SH3RF3: variants seen among roughly 807,000 people sequenced by gnomAD.
The protein encoded by SH3RF3 is SH3 domain containing ring finger 3.
SH3RF3 carries 29 observed loss-of-function variants against 66.3 expected under a neutral mutation model. The observed-to-expected ratio is 0.44, with a 90% CI of 0.33 to 0.60. The LOEUF (loss-of-function observed/expected upper bound fraction) is 0.60. SH3RF3 is among the 20% of genes least tolerant of loss of function. The probability of loss-of-function intolerance (pLI) is 0.04; values close to 1 mark genes in which losing one functional copy is unlikely to be tolerated. For missense variants in SH3RF3, 1,194 were observed against 1,190.9 expected (o/e 1.00, Z -0.04); for synonymous variants, 583 against 532.0 (o/e 1.10, Z -1.32).
At chr2:109,203,701 G>T (rs555654274) in intron 1 of SH3RF3, among the ~76,000 whole-genome samples, 1 of 152,090 alleles carries the variant, frequency 6.6e-6, no homozygotes, top group Non-Finnish European at 1.5e-5. Flanking sequence ...CCACCCCCTG[G>T]GCCTGGAGCC....
At chr2:109,376,367 G>T (rs1683383808) in intron 3 of SH3RF3, among the ~76,000 whole-genome samples, 1 of 152,222 alleles carries the variant, frequency 6.6e-6, no homozygotes, top group African/African-American at 2.4e-5. Flanking sequence ...AAAGGAATCA[G>T]CTCGGGTTGG....
At chr2:109,186,130 C>T (rs1422324847) in intron 1 of SH3RF3, among the ~76,000 whole-genome samples, 2 of 152,240 alleles carry the variant, frequency 1.3e-5, no homozygotes, top group Non-Finnish European at 1.5e-5. Flanking sequence ...TCTCTGTGTC[C>T]TTGAAATGCT....
At chr2:109,417,374 C>T (rs1676753438) in intron 4 of SH3RF3, among the ~76,000 whole-genome samples, 1 of 152,182 alleles carries the variant, frequency 6.6e-6, no homozygotes, top group African/African-American at 2.4e-5. Context: ...GGGGACACCT[C>T]CTCTTCCCTG....
rs371815070 is a variant in SH3RF3, at chr2:109,449,411, A to C, written c.2070A>C (p.Gly690=). 5 of 1,613,594 alleles carry C rather than the reference A, an allele frequency of 3.1e-6. No homozygotes were observed. The highest frequency in any genetic ancestry group is 4.2e-6 in the Non-Finnish European group (5 of 1,179,738). The stretch of plus-strand genomic sequence containing the variant: ...CCGCAAACCTCAACGGGGAGGCTGG[A>C]GGGGGGCCCATCGGTGTTCTGTCCA... The part of the protein sequence containing the change: ...VSAANLNGEA[G]GGPIGVLSTS... Residue 690 remains glycine (G), a synonymous_variant, in exon 8 of 10, where the codon GGA becomes GGC. Transcript: ENST00000309415.
At chr2:109,250,975 C>CT (rs953824330) in intron 1 of SH3RF3, among the ~76,000 whole-genome samples, 60 of 149,796 alleles carry the variant, frequency 4.0e-4, no homozygotes, top group Non-Finnish European at 4.8e-4. Context: ...TTCTGTATAG[C>CT]TTTTTTTTTC....
At chr2:109,497,061 T>A (rs749114418) in intron 9 of SH3RF3, among the ~76,000 whole-genome samples, 1 of 152,228 alleles carries the variant, frequency 6.6e-6, no homozygotes, top group Non-Finnish European at 1.5e-5. Flanking sequence ...GCCTTGCAGA[T>A]GCCTTGATTT....
chr2:109,155,202 G>A (rs1292247354), intron 1 of SH3RF3, among the ~76,000 whole-genome samples: 3 of 152,226 alleles, frequency 2.0e-5, no homozygotes, highest in Non-Finnish European at 4.4e-5. Flanking sequence ...ATGTTCAGTG[G>A]TGTTCTCATC....
rs532420165 is a variant in SH3RF3, at chr2:109,495,405, C to T, written c.2480+4469C>T. ...TCTGCACCTTGGCAGTATCAAGTAT[C>T]GTAGAGAGGCTTTGAGTAGACAGAC... On this transcript the variant is annotated intron_variant, in intron 9 of 9. Transcript: ENST00000309415. Among the ~76,000 whole-genome samples the T allele has an allele frequency of 1.4e-4, 21 of 149,652 alleles. No individual in the cohort carries two copies. The South Asian group carries it at 2.4e-3, about 17-fold the overall frequency.
At chr2:109,365,005 C>T (rs770941599) in intron 2 of SH3RF3, among the ~76,000 whole-genome samples, 5 of 152,070 alleles carry the variant, frequency 3.3e-5, no homozygotes, top group Non-Finnish European at 7.4e-5. Context: ...GCAGAAGGAT[C>T]GTGAGACTCT....
intron 1 of SH3RF3, among the ~76,000 whole-genome samples, chr2:109,250,970 T>C (rs1020254325): frequency 3.3e-5 from 5 of 151,994 alleles, no homozygotes; most frequent in African/African-American, 7.2e-5. Flanking sequence ...TTGCATTCTG[T>C]ATAGCTTTTT....
chr2:109,270,760 C>T (rs1268819982), intron 1 of SH3RF3, among the ~76,000 whole-genome samples: 2 of 152,216 alleles, frequency 1.3e-5, no homozygotes, highest in Non-Finnish European at 2.9e-5. Context: ...TGACCTTTCT[C>T]TAGCTGGGGA....
chr2:109,279,711 T>C (rs551270215), intron 1 of SH3RF3, among the ~76,000 whole-genome samples: 2 of 151,872 alleles, frequency 1.3e-5, no homozygotes, highest in South Asian at 4.2e-4. Context: ...CTTGCCAGCT[T>C]GCGTTTCTTT....
chr2:109,266,765 CAG>C (rs1040283249), intron 1 of SH3RF3, among the ~76,000 whole-genome samples: 24 of 152,192 alleles, frequency 1.6e-4, no homozygotes, highest in African/African-American at 3.9e-4. Context: ...TAACAAGAGA[CAG>C]GGGTGAGCGT....
intron 1 of SH3RF3, among the ~76,000 whole-genome samples, chr2:109,206,526 A>G (rs2105090182): frequency 7.6e-6 from 1 of 131,100 alleles, no homozygotes; most frequent in Admixed American, 7.9e-5. Context: ...GAATTAGAGG[A>G]GGCTGAGTGT....
chr2:109,305,819 G>A (rs192760236), intron 1 of SH3RF3, among the ~76,000 whole-genome samples: 52 of 152,308 alleles, frequency 3.4e-4, no homozygotes, highest in Non-Finnish European at 1.8e-4. Context: ...GGGGCTGCTC[G>A]GCATCTCTCA....
chr2:109,130,695 T>G (rs1205390629), intron 1 of SH3RF3, among the ~76,000 whole-genome samples: 1 of 152,196 alleles, frequency 6.6e-6, no homozygotes, highest in Non-Finnish European at 1.5e-5. Context: ...GACTTGGCAG[T>G]GTCTAACCAG....
At chr2:109,409,794 T>C (rs1329298971) in intron 4 of SH3RF3, among the ~76,000 whole-genome samples, 1 of 151,904 alleles carries the variant, frequency 6.6e-6, no homozygotes, top group Non-Finnish European at 1.5e-5. Flanking sequence ...AAATGTTTTA[T>C]TCTAGAGTTT....
chr2:109,322,747 C>T (rs1026084073), intron 1 of SH3RF3, among the ~76,000 whole-genome samples: 1 of 152,188 alleles, frequency 6.6e-6, no homozygotes, highest in African/African-American at 2.4e-5. Flanking sequence ...TCATATTTTG[C>T]TTTTCCAGCA....
intron 4 of SH3RF3, among the ~76,000 whole-genome samples, chr2:109,399,525 T>C (rs1177098248): frequency 6.6e-6 from 1 of 152,040 alleles, no homozygotes; most frequent in Non-Finnish European, 1.5e-5. Flanking sequence ...CCTGTAATCC[T>C]GGGGCTTTGG....
Sources: allele counts gnomAD v4.1 joint callset (sites outside exome capture counted in the v4.1 genomes callset), GRCh38; gene constraint gnomAD v4.1.1; transcripts MANE v1.5; gene names NCBI Gene and HGNC (gene_info 2026-07-23, HGNC 2026-07-21).